RAPGEF5: variants seen among roughly 807,000 people sequenced by gnomAD.
RAPGEF5 encodes the protein Rap guanine nucleotide exchange factor 5.
In RAPGEF5, 65 loss-of-function variants were observed where a neutral mutation model predicts 125.2. The observed-to-expected ratio is 0.52, with a 90% CI of 0.43 to 0.64. RAPGEF5 has a LOEUF of 0.64. RAPGEF5 is among the 30% of genes least tolerant of loss of function. RAPGEF5 has a pLI of 0.00. For synonymous variants in RAPGEF5, 391 were observed against 385.9 expected, an observed-to-expected ratio of 1.01 and a Z score of -0.16; for missense variants, 958 against 1,048.1, an observed-to-expected ratio of 0.91 and a Z score of 1.19.
chr7:22,238,547 A>G (rs1786248453), intron 7 of RAPGEF5, among the ~76,000 whole-genome samples: 1 of 152,250 alleles, frequency 6.6e-6, no homozygotes, highest in Non-Finnish European at 1.5e-5. Context: ...TTGCCTTGTT[A>G]GGCCTTGAGC....
chr7:22,187,799 T>C (rs1260361422), intron 11 of RAPGEF5, among the ~76,000 whole-genome samples: 1 of 152,236 alleles, frequency 6.6e-6, no homozygotes, highest in Non-Finnish European at 1.5e-5. Flanking sequence ...TCTGTATATC[T>C]ATAACCAATA....
intron 6 of RAPGEF5, among the ~76,000 whole-genome samples, chr7:22,286,912 C>A (rs892878383): frequency 2.6e-5 from 4 of 152,214 alleles, no homozygotes; most frequent in African/African-American, 7.2e-5. Flanking sequence ...TTCAAAGGCC[C>A]TTCTTGGCCT....
intron 1 of RAPGEF5, among the ~76,000 whole-genome samples, chr7:22,333,938 G>C (rs565900140): frequency 6.6e-6 from 1 of 152,132 alleles, no homozygotes; most frequent in African/African-American, 2.4e-5. Context: ...CCCAAGAAAC[G>C]GTTAAACTAC....
chr7:22,340,704 C>T (rs763260376), intron 1 of RAPGEF5, among the ~76,000 whole-genome samples: 8 of 152,180 alleles, frequency 5.3e-5, no homozygotes, highest in Non-Finnish European at 1.0e-4. Flanking sequence ...CAGGGTATTC[C>T]GCACTAGAAC....
chr7:22,265,537 T>C (rs541235430), intron 7 of RAPGEF5, among the ~76,000 whole-genome samples: 4 of 152,316 alleles, frequency 2.6e-5, no homozygotes, highest in South Asian at 2.1e-4. Flanking sequence ...ATCTTGCCTA[T>C]TGTGAACAGC....
chr7:22,161,187 C>A (rs545134642), intron 13 of RAPGEF5, among the ~76,000 whole-genome samples: 1 of 151,900 alleles, frequency 6.6e-6, no homozygotes, highest in African/African-American at 2.4e-5. Flanking sequence ...CCAGCCTAGG[C>A]GACAGAGCGA....
intron 3 of RAPGEF5, among the ~76,000 whole-genome samples, chr7:22,312,126 ACT>A (rs1393847379): frequency 2.6e-5 from 4 of 152,184 alleles, no homozygotes; most frequent in African/African-American, 7.2e-5. Context: ...GCTTCTCAAA[ACT>A]CTGCTTAGGA....
intron 7 of RAPGEF5, among the ~76,000 whole-genome samples, chr7:22,250,660 G>A (rs963948002): frequency 3.3e-5 from 5 of 151,814 alleles, no homozygotes; most frequent in Non-Finnish European, 7.4e-5. Context: ...AAATGTCCCC[G>A]GGGGGAAAAA....
At chr7:22,247,397 G>C (rs999793648) in intron 7 of RAPGEF5, among the ~76,000 whole-genome samples, 2 of 152,182 alleles carry the variant, frequency 1.3e-5, no homozygotes. Context: ...TCATGGGAGA[G>C]ACCCAGAAGG....
chr7:22,121,683 T>C lies in RAPGEF5; in HGVS notation c.*723A>G, dbSNP rs560944125. On this transcript the variant is annotated 3_prime_UTR_variant, in exon 26 of 26. Coordinates refer to ENST00000665637, the MANE Select transcript of RAPGEF5 (RefSeq NM_012294.5). ...TGAGTCAATTTCTTAAAGATTACTA[T>C]TTTTCCTTACTGGCAAAGCAACTTC... The C allele has an allele frequency of 2.0e-5, 3 of 152,496 alleles. No homozygotes were observed. The highest frequency in any genetic ancestry group is 7.2e-5 in the African/African-American group (3 of 41,586). 9.4% of individuals were successfully genotyped at this position (152,496 alleles called of 1,614,324 possible). A position where few individuals can be genotyped will look rare whatever the true frequency, so the allele number is the denominator to read the frequency against.
At chr7:22,258,262 C>T (rs1358934822) in intron 7 of RAPGEF5, among the ~76,000 whole-genome samples, 1 of 152,178 alleles carries the variant, frequency 6.6e-6, no homozygotes, top group Non-Finnish European at 1.5e-5. Flanking sequence ...GGAAGGCAGA[C>T]ACTACCCAAT....
intron 17 of RAPGEF5, among the ~76,000 whole-genome samples, chr7:22,152,985 TA>T (rs1248482753): frequency 6.6e-6 from 1 of 152,242 alleles, no homozygotes; most frequent in Admixed American, 6.5e-5. Context: ...CTGATGAATC[TA>T]ATTTAATAGA....
chr7:22,208,910 G>T (rs957224326), intron 9 of RAPGEF5, among the ~76,000 whole-genome samples: 1 of 152,188 alleles, frequency 6.6e-6, no homozygotes, highest in African/African-American at 2.4e-5. Context: ...ACCACAAAGT[G>T]TGGGGCACCA....
Position 22,193,971 on chromosome 7 carries a change from C to T in RAPGEF5, c.1059G>A (p.Lys353=). 1 of 1,613,958 alleles carries T rather than the reference C, an allele frequency of 6.2e-7. No homozygotes were observed. The change falls in exon 10 of 26, where the codon AAG becomes AAA. Residue 353 remains lysine, a synonymous_variant. Transcript: ENST00000665637. ...GGGCTGGGCCACAGCACTGCACTTTCTTCAGCACCAGGACGCTCTGGTCTT... is the reference window on the plus strand; with the variant it reads ...GGGCTGGGCCACAGCACTGCACTTTTTTCAGCACCAGGACGCTCTGGTCTT... ...KEQDQSVLVL[K]KVQCCGPAPT...
intron 5 of RAPGEF5, among the ~76,000 whole-genome samples, chr7:22,294,250 G>A (rs1288935172): frequency 6.6e-6 from 1 of 152,168 alleles, no homozygotes. Flanking sequence ...AGAAAGAGAA[G>A]AGAAATAGAG....
intron 2 of RAPGEF5, among the ~76,000 whole-genome samples, chr7:22,316,350 TATAG>T (rs55885957): frequency 0.25 from 36,953 of 145,024 alleles, 5,120 homozygotes; most frequent in Non-Finnish European, 0.32. Flanking sequence ...GTATCTACTA[TATAG>T]ATAGATAGAT....
chr7:22,146,906 T>A lies in RAPGEF5; in HGVS notation c.1998A>T (p.Ser666=). ...LMNFDWSLFN[S]IHEQELIYFT... ...GTCACTCCTCATTTACCTCGTGAAT[T>A]GAATTGAATAGACTCCAATCAAAAT... The change falls in exon 19 of 26, where the codon TCA becomes TCT. Residue 666 remains serine (S), a synonymous_variant. Transcript: ENST00000665637. 4 of 1,609,760 alleles carry A rather than the reference T, an allele frequency of 2.5e-6. No individual in the cohort carries two copies. Among genetic ancestry groups the A allele is most frequent in the Non-Finnish European group, 3.4e-6 (4 of 1,178,912 alleles).
chr7:22,150,331 C>A, intron 18 of RAPGEF5, 76 bp downstream of exon 18: 1 of 1,461,966 alleles, frequency 6.8e-7, no homozygotes, highest in Non-Finnish European at 9.3e-7. Flanking sequence ...CCTTGGCCTC[C>A]CAAAGTGCTC....
chr7:22,341,331 C>T, intron 1 of RAPGEF5, among the ~76,000 whole-genome samples: 1 of 152,150 alleles, frequency 6.6e-6, no homozygotes, highest in East Asian at 1.9e-4. Flanking sequence ...ATTCAATTAC[C>T]TCCCACCGGG....
Sources: gnomAD v4.1 joint callset for allele counts (sites outside exome capture counted in the v4.1 genomes callset) on GRCh38, gnomAD v4.1.1 for gene constraint, MANE v1.5 for transcripts, NCBI Gene and HGNC (gene_info 2026-07-23, HGNC 2026-07-21) for gene names.